PRPSAP1: variants seen among roughly 807,000 people sequenced by gnomAD.
The protein encoded by PRPSAP1 is phosphoribosyl pyrophosphate synthetase associated protein 1, also known as phosphoribosyl pyrophosphate synthase-associated protein 1.
Under a neutral mutation model 39.4 loss-of-function variants are expected in PRPSAP1, and 31 were observed. The observed-to-expected ratio is 0.79, with a 90% CI of 0.59 to 1.06. PRPSAP1 has a LOEUF of 1.06. Among genes scored for constraint, PRPSAP1 ranks in the 50% least tolerant of loss-of-function variants. PRPSAP1 has a pLI of 0.00. For missense variants in PRPSAP1, 430 were observed against 511.6 expected, an observed-to-expected ratio of 0.84 and a Z score of 1.54; for synonymous variants, 212 against 192.6, an observed-to-expected ratio of 1.10 and a Z score of -0.83.
Position 76,353,870 on chromosome 17 carries a change from G to A in PRPSAP1, c.-167C>T, listed in dbSNP as rs926413885. ...CGCACCCCACACCACTGACTACAGC[G>A]GCCGAGCCTTCGCAGCGCCCGGCGC... On this transcript the variant is annotated 5_prime_UTR_variant, in exon 1 of 10. Transcript: ENST00000446526. The A allele has an allele frequency of 6.0e-6, 8 of 1,326,188 alleles. No individual in the cohort carries two copies. Among genetic ancestry groups the A allele is most frequent in the East Asian group, 6.3e-5 (2 of 31,684 alleles). The allele number at this position is 1,326,188 out of a possible 1,614,324, so 82.2% of individuals were successfully genotyped here. A position where few individuals can be genotyped will look rare whatever the true frequency, so the allele number is the denominator to read the frequency against.
At chr17:76,343,529 C>G (rs553548345) in intron 3 of PRPSAP1, among the ~76,000 whole-genome samples, 1 of 152,182 alleles carries the variant, frequency 6.6e-6, no homozygotes, top group Admixed American at 6.5e-5. Context: ...ATGGGAAAAC[C>G]CTTTGTCCTT....
At chr17:76,323,585 G>C (rs533223556) in intron 7 of PRPSAP1, among the ~76,000 whole-genome samples, 1 of 152,162 alleles carries the variant, frequency 6.6e-6, no homozygotes, top group Non-Finnish European at 1.5e-5. Context: ...AGTAACTGCA[G>C]ATGTGGTGGA....
intron 2 of PRPSAP1, among the ~76,000 whole-genome samples, chr17:76,346,760 G>A (rs576930006): frequency 3.9e-5 from 6 of 152,238 alleles, no homozygotes; most frequent in East Asian, 1.9e-4. Flanking sequence ...GGCCGGGCGC[G>A]GTGGCTCCGC....
chr17:76,313,070 T>A (rs1598514725), intron 8 of PRPSAP1, 54 bp from the exon 9 acceptor site: 4 of 1,579,108 alleles, frequency 2.5e-6, no homozygotes, highest in Non-Finnish European at 3.4e-6. Flanking sequence ...TAGCCCATAC[T>A]GTCAATGCAC....
intron 7 of PRPSAP1, among the ~76,000 whole-genome samples, chr17:76,325,598 A>AT (rs538337876): frequency 0.28 from 32,773 of 118,918 alleles, 6,000 homozygotes; most frequent in African/African-American, 0.47. Context: ...ATGACTGCTA[A>AT]TTTTTTTTTT....
chr17:76,328,919 C>A, intron 6 of PRPSAP1, 57 bp from the exon 7 acceptor site: 1 of 1,526,154 alleles, frequency 6.6e-7, no homozygotes, highest in Non-Finnish European at 8.9e-7. Context: ...CGCATCACTA[C>A]GGCATCATTT....
chr17:76,333,529 C>T (rs1355165402), intron 3 of PRPSAP1, among the ~76,000 whole-genome samples: 2 of 152,010 alleles, frequency 1.3e-5, no homozygotes, highest in African/African-American at 4.8e-5. Context: ...CCTGTAGTCC[C>T]AGCTACTGGG....
chr17:76,342,812 G>A (rs2071453702), intron 3 of PRPSAP1, among the ~76,000 whole-genome samples: 1 of 151,376 alleles, frequency 6.6e-6, no homozygotes, highest in Non-Finnish European at 1.5e-5. Flanking sequence ...AGTGGCTCAC[G>A]CCTATAATCC....
intron 3 of PRPSAP1, chr17:76,337,403 G>C (rs998979648): frequency 6.7e-6 from 1 of 148,422 alleles, no homozygotes; most frequent in South Asian, 2.1e-4. Context: ...ACGCAAATTC[G>C]TGAAGTGTTC....
At chr17:76,336,821 A>G (rs2071384884) in intron 3 of PRPSAP1, among the ~76,000 whole-genome samples, 1 of 151,916 alleles carries the variant, frequency 6.6e-6, no homozygotes, top group Non-Finnish European at 1.5e-5. Flanking sequence ...CTCCAGCCCA[A>G]CGCTAAAGAA....
rs754379401 is a variant in PRPSAP1 at position 76,311,591 on chromosome 17, T to C, written c.1109A>G (p.Asn370Ser). 14 of 1,614,098 alleles carry C rather than the reference T, an allele frequency of 8.7e-6. No individual in the cohort carries two copies. In the East Asian group the frequency reaches 1.1e-4, roughly 13 times the overall value. Reference protein sequence around the residue: ...ILSEAIRRIHNGESMAYLFRN... With the variant: ...ILSEAIRRIHSGESMAYLFRN... ...GAAAAGGTAGGCCATGGACTCTCCA[T>C]TGTGGATTCTCCGAATGGCTTCAGA... Residue 370 changes from asparagine to serine, a missense_variant, in exon 10 of 10, where the codon AAT (asparagine) becomes AGT (serine). Asn to Ser is a conservative substitution (Grantham distance 46). Coordinates refer to ENST00000446526, the MANE Select transcript of PRPSAP1 (RefSeq NM_002766.3).
intron 3 of PRPSAP1, among the ~76,000 whole-genome samples, chr17:76,338,709 TAAATA>T (rs762376994): frequency 1.4e-5 from 2 of 146,466 alleles, no homozygotes; most frequent in Non-Finnish European, 3.0e-5. Context: ...TCTCAAAAAA[TAAATA>T]AAATAAAATA....
Position 76,313,842 on chromosome 17 carries a change from T to C in PRPSAP1, c.831A>G (p.Gly277=), listed in dbSNP as rs1240321724. ...ATACCACGATGATTGCGATGCGGCC[T>C]CCAACATCTCCAACTACAGTTATCG... ...KPPITVVGDV[G]GRIAIIVDDI... Residue 277 remains glycine (G), a synonymous_variant, in exon 8 of 10, where the codon GGA becomes GGG. Transcript: ENST00000446526. The C allele has an allele frequency of 6.2e-7, 1 of 1,614,154 alleles. No individual in the cohort carries two copies. Among genetic ancestry groups the C allele is most frequent in the South Asian group, 1.1e-5 (1 of 91,082 alleles).
chr17:76,342,630 T>A (rs1049237757), intron 3 of PRPSAP1, among the ~76,000 whole-genome samples: 3 of 150,354 alleles, frequency 2.0e-5, no homozygotes, highest in Admixed American at 1.3e-4. Flanking sequence ...GGTGGGAGGA[T>A]CGCTTTGAGT....
intron 7 of PRPSAP1, among the ~76,000 whole-genome samples, chr17:76,315,728 T>TTTTTC (rs2071116201): frequency 7.8e-6 from 1 of 128,024 alleles, no homozygotes; most frequent in African/African-American, 2.9e-5. Context: ...TTTTTTTTTT[T>TTTTTC]TCTTGAGACA....
intron 3 of PRPSAP1, among the ~76,000 whole-genome samples, chr17:76,344,179 G>A (rs189681577): frequency 6.6e-6 from 1 of 152,234 alleles, no homozygotes; most frequent in Non-Finnish European, 1.5e-5. Context: ...CCAGGCTGGA[G>A]TGCAGTGGCG....
chr17:76,337,080 T>C (rs544645781), intron 3 of PRPSAP1, among the ~76,000 whole-genome samples: 3 of 152,298 alleles, frequency 2.0e-5, no homozygotes, highest in Admixed American at 2.0e-4. Flanking sequence ...TTTTACCAAC[T>C]ACTTTTCTTT....
chr17:76,341,188 T>A (rs1349694694), intron 3 of PRPSAP1, among the ~76,000 whole-genome samples: 1 of 151,702 alleles, frequency 6.6e-6, no homozygotes, highest in Non-Finnish European at 1.5e-5. Flanking sequence ...AATTCCAGAT[T>A]ACAATGCAGA....
At chr17:76,345,779 CG>C (rs2071493849) in intron 2 of PRPSAP1, 2 of 296,356 alleles carry the variant, frequency 6.7e-6, no homozygotes, top group African/African-American at 4.6e-5. Context: ...GAGCGCAGTC[CG>C]TGCACCGCCA....
Sources: gnomAD v4.1 joint callset for allele counts (sites outside exome capture counted in the v4.1 genomes callset) on GRCh38, gnomAD v4.1.1 for gene constraint, MANE v1.5 for transcripts, NCBI Gene and HGNC (gene_info 2026-07-23, HGNC 2026-07-21) for gene names.